GALNT10: variants seen among roughly 807,000 people sequenced by gnomAD.
GALNT10 encodes GalNAc transferase 10.
Under a neutral mutation model 75.0 loss-of-function variants are expected in GALNT10, and 41 were observed. That is an observed-to-expected ratio of 0.55 (90% CI 0.43 to 0.71). The LOEUF (loss-of-function observed/expected upper bound fraction) is 0.71. GALNT10 is among the 30% of genes least tolerant of loss of function. The pLI, the probability that GALNT10 is intolerant of heterozygous loss-of-function variation, is 0.00. For synonymous variants in GALNT10, 302 were observed against 313.0 expected, an observed-to-expected ratio of 0.96 and a Z score of 0.37; for missense variants, 727 against 818.5, an observed-to-expected ratio of 0.89 and a Z score of 1.36.
At chr5:154,249,917 C>T (rs1753488395) in intron 1 of GALNT10, among the ~76,000 whole-genome samples, 2 of 152,116 alleles carry the variant, frequency 1.3e-5, no homozygotes, top group African/African-American at 4.8e-5. Context: ...TTTTCTTGAC[C>T]ACACTCTAGG....
In GALNT10 at chr5:154,298,034, A is replaced by T. The variant is rs781674331; in HGVS notation, c.356A>T (p.Asp119Val). The T allele has an allele frequency of 6.2e-7, 1 of 1,613,608 alleles. No individual in the cohort carries two copies. The highest frequency in any genetic ancestry group is 8.5e-7 in the Non-Finnish European group (1 of 1,179,512). The change falls in exon 3 of 12, where the codon GAT (aspartate) becomes GTT (valine). Residue 119 changes from aspartate (D) to valine (V), a missense_variant. Physicochemically the swap from Asp to Val is radical, Grantham distance 152. Transcript: ENST00000297107. This position sits in a 1 kb window ranked among gnomAD's most constrained non-coding sequence, Gnocchi z 4.1. ...AATGGATTTAACATCTACGTCAGTG[A>T]TAAAATCTCCTTGAATCGCTCTCTC... ...RENGFNIYVS[D>V]KISLNRSLPD...
At chr5:154,216,715 G>A (rs761932012) in intron 1 of GALNT10, among the ~76,000 whole-genome samples, 11 of 152,260 alleles carry the variant, frequency 7.2e-5, no homozygotes, top group Non-Finnish European at 1.6e-4. Context: ...GCATTCCTCA[G>A]TTGTTTGGGA....
intron 4 of GALNT10, among the ~76,000 whole-genome samples, chr5:154,339,317 C>T (rs193114129): frequency 2.8e-4 from 42 of 152,304 alleles, no homozygotes; most frequent in Middle Eastern, 6.8e-3. Flanking sequence ...CGATTCTCTT[C>T]TCCTTTCATA....
chr5:154,233,258 A>G (rs1457502694), intron 1 of GALNT10, among the ~76,000 whole-genome samples: 1 of 152,124 alleles, frequency 6.6e-6, no homozygotes, highest in Non-Finnish European at 1.5e-5. Flanking sequence ...CTCTCAGATA[A>G]GATTTTCTGT....
intron 9 of GALNT10, among the ~76,000 whole-genome samples, chr5:154,411,613 A>G (rs1756399862): frequency 6.6e-6 from 1 of 152,248 alleles, no homozygotes; most frequent in Non-Finnish European, 1.5e-5. Context: ...TTCACACAGC[A>G]GTCACAGAGC....
At chr5:154,228,583 GA>G (rs1298212812) in intron 1 of GALNT10, among the ~76,000 whole-genome samples, 1 of 152,232 alleles carries the variant, frequency 6.6e-6, no homozygotes, top group Non-Finnish European at 1.5e-5. Flanking sequence ...ACCTGTACGA[GA>G]GCTGGCATAG....
intron 1 of GALNT10, among the ~76,000 whole-genome samples, chr5:154,292,283 A>G (rs892830489): frequency 5.3e-5 from 8 of 152,208 alleles, no homozygotes; most frequent in African/African-American, 1.9e-4. Context: ...CCCCATCCCC[A>G]GAGCTTCTGC....
Position 154,417,806 on chromosome 5 carries a change from C to G in GALNT10, c.*834C>G, listed in dbSNP as rs760687201. 1 of 152,248 alleles carries G rather than the reference C, an allele frequency of 6.6e-6. No homozygotes were observed. The highest frequency in any genetic ancestry group is 6.5e-5 in the Admixed American group (1 of 15,276). 9.4% of individuals were successfully genotyped at this position (152,248 alleles called of 1,614,324 possible). A position where few individuals can be genotyped will look rare whatever the true frequency, so the allele number is the denominator to read the frequency against. ...GGAAAAGGCCAGGTAGACCTCCAAA[C>G]TAGAAATGCTGGCTGATTTGCCCTG... On this transcript the variant is annotated 3_prime_UTR_variant, in exon 12 of 12. Transcript: ENST00000297107.
At chr5:154,361,355 C>T (rs558709973) in intron 4 of GALNT10, among the ~76,000 whole-genome samples, 36 of 152,296 alleles carry the variant, frequency 2.4e-4, no homozygotes, top group African/African-American at 7.9e-4. Context: ...CTCCAAACCT[C>T]GATTTTCTCA....
At chr5:154,399,614 G>C (rs1046125088) in intron 7 of GALNT10, among the ~76,000 whole-genome samples, 4 of 152,232 alleles carry the variant, frequency 2.6e-5, no homozygotes, top group Admixed American at 6.5e-5. Context: ...TGGAGCCAGT[G>C]ACTGAAGAAT....
intron 1 of GALNT10, among the ~76,000 whole-genome samples, chr5:154,251,412 T>G (rs958663282): frequency 2.6e-5 from 4 of 152,182 alleles, no homozygotes; most frequent in Admixed American, 1.3e-4. Context: ...ACCTGTCAGA[T>G]TTTCCACAGT....
intron 1 of GALNT10, among the ~76,000 whole-genome samples, chr5:154,234,254 C>T (rs1038515423): frequency 2.0e-5 from 3 of 152,172 alleles, no homozygotes; most frequent in African/African-American, 7.2e-5. Context: ...CCTGCCAAAG[C>T]ATCAACATCA....
intron 1 of GALNT10, among the ~76,000 whole-genome samples, chr5:154,293,611 A>ATTTTTTTTTTTTTTTTTTTTTTTT (rs912343114): frequency 1.6e-4 from 15 of 96,770 alleles, no homozygotes; most frequent in Non-Finnish European, 2.3e-4. Flanking sequence ...ATATATATAT[A>ATTTTTTTTTTTTTTTTTTTTTTTT]TATTTTTTTT....
At chr5:154,373,126 C>G (rs537225642) in intron 4 of GALNT10, among the ~76,000 whole-genome samples, 1 of 152,270 alleles carries the variant, frequency 6.6e-6, no homozygotes, top group South Asian at 2.1e-4. Context: ...CAGGATACAG[C>G]CTCAGAATCT....
intron 4 of GALNT10, among the ~76,000 whole-genome samples, chr5:154,330,139 C>CCTCAT (rs1754831261): frequency 6.6e-6 from 1 of 152,214 alleles, no homozygotes; most frequent in Non-Finnish European, 1.5e-5. Context: ...GTTTCTGCTT[C>CCTCAT]CTCATCCTCA....
chr5:154,201,566 A>G (rs1273690399), intron 1 of GALNT10, among the ~76,000 whole-genome samples: 1 of 152,074 alleles, frequency 6.6e-6, no homozygotes, highest in Non-Finnish European at 1.5e-5. Flanking sequence ...TACCCTGTCT[A>G]ATAAAGTTTT....
At chr5:154,343,411 T>C (rs929243362) in intron 4 of GALNT10, among the ~76,000 whole-genome samples, 4 of 152,168 alleles carry the variant, frequency 2.6e-5, no homozygotes, top group Non-Finnish European at 5.9e-5. Flanking sequence ...TCAAATGAGA[T>C]AATAGATGGG....
At chr5:154,273,260 T>C (rs1326929595) in intron 1 of GALNT10, among the ~76,000 whole-genome samples, 1 of 152,210 alleles carries the variant, frequency 6.6e-6, no homozygotes, top group East Asian at 1.9e-4. Context: ...TGCAGTTTTA[T>C]AGCTGCTGCT....
At chr5:154,368,962 T>C (rs1352280082) in intron 4 of GALNT10, among the ~76,000 whole-genome samples, 1 of 152,206 alleles carries the variant, frequency 6.6e-6, no homozygotes, top group Non-Finnish European at 1.5e-5. Flanking sequence ...GAATCAGAAA[T>C]ACCTGCTATG....
Sources: gnomAD v4.1 joint callset for allele counts (sites outside exome capture counted in the v4.1 genomes callset) on GRCh38, gnomAD v4.1.1 for gene constraint, Gnocchi (gnomAD v3.1) non-coding constraint, MANE v1.5 for transcripts, NCBI Gene and HGNC (gene_info 2026-07-23, HGNC 2026-07-21) for gene names.